Variants in HGD observed in about 807,000 individuals in gnomAD.
HGD encodes the protein homogentisate 1,2-dioxygenase, also known as homogentisate oxidase.
A neutral mutation model predicts 60.8 loss-of-function variants in HGD; 61 were observed. The observed-to-expected ratio is 1.00, with a 90% confidence interval of 0.82 to 1.24. HGD has a LOEUF of 1.24. Ranked by LOEUF, HGD falls within the 50% of genes most tolerant of loss-of-function variation. The pLI, the probability that HGD is intolerant of heterozygous loss-of-function variation, is 0.00. For synonymous variants in HGD, 212 were observed against 187.7 expected (o/e 1.13, Z -1.06); for missense variants, 542 against 547.1 (o/e 0.99, Z 0.09).
At chr3:120,662,757 T>C (rs956998406) in intron 4 of HGD, among the ~76,000 whole-genome samples, 5 of 152,138 alleles carry the variant, frequency 3.3e-5, no homozygotes, top group African/African-American at 1.2e-4. Context: ...AGTAGATATT[T>C]AGAGGGAAAA....
chr3:120,631,747 A>T (rs1940597946), intron 13 of HGD, among the ~76,000 whole-genome samples: 1 of 152,188 alleles, frequency 6.6e-6, no homozygotes, highest in Non-Finnish European at 1.5e-5. Flanking sequence ...AATGGTGAGG[A>T]CGACTGAAAG....
chr3:120,636,640 G>A (rs1037075974), intron 12 of HGD, among the ~76,000 whole-genome samples: 4 of 152,150 alleles, frequency 2.6e-5, no homozygotes, highest in African/African-American at 7.2e-5. Context: ...TTTTAGAAAC[G>A]ACTTATGATG....
intron 1 of HGD, among the ~76,000 whole-genome samples, chr3:120,681,588 C>T (rs149424246): frequency 4.4e-4 from 67 of 152,326 alleles, no homozygotes; most frequent in African/African-American, 1.5e-3. Context: ...TAGCACCTAA[C>T]AGCACATAAC....
At chr3:120,649,139 C>CTTTTTTTTT (rs10572267) in intron 6 of HGD, among the ~76,000 whole-genome samples, 210 of 94,388 alleles carry the variant, frequency 2.2e-3, no homozygotes, top group African/African-American at 2.9e-3. Context: ...TCTTCTTTTT[C>CTTTTTTTTT]TTTTTTTTTT....
intron 13 of HGD, 128 bp from the exon 14 acceptor site, chr3:120,628,657 G>C: frequency 7.4e-6 from 8 of 1,083,384 alleles, no homozygotes; most frequent in African/African-American, 1.5e-5. Flanking sequence ...TTGTGTGCTA[G>C]AGTGGTGAGG....
chr3:120,659,264 A>G (rs1239087985), intron 4 of HGD, among the ~76,000 whole-genome samples: 1 of 152,264 alleles, frequency 6.6e-6, no homozygotes, highest in Non-Finnish European at 1.5e-5. Context: ...ACTTATTTTT[A>G]AATTTAAGTT....
intron 4 of HGD, among the ~76,000 whole-genome samples, chr3:120,661,849 C>T (rs1247746997): frequency 6.6e-6 from 1 of 152,140 alleles, no homozygotes; most frequent in African/African-American, 2.4e-5. Flanking sequence ...AGGATCTGAA[C>T]TATCAGGGAG....
chr3:120,641,562 C>A, intron 11 of HGD, 27 bp downstream of exon 11: 1 of 1,475,080 alleles, frequency 6.8e-7, no homozygotes, highest in Non-Finnish European at 9.5e-7. Flanking sequence ...TGCCTCATCC[C>A]AAGGCCCCTA....
intron 8 of HGD, among the ~76,000 whole-genome samples, 189 bp downstream of exon 8, chr3:120,646,784 T>C (rs2293735): frequency 0.095 from 14,402 of 152,250 alleles, 766 homozygotes; most frequent in East Asian, 0.19. Flanking sequence ...TTATGTGCTA[T>C]ATTAAAAGAA....
At chr3:120,660,931 C>T (rs947256316) in intron 4 of HGD, among the ~76,000 whole-genome samples, 1 of 152,168 alleles carries the variant, frequency 6.6e-6, no homozygotes, top group Non-Finnish European at 1.5e-5. Flanking sequence ...GCTTTAAATC[C>T]ATTACCTAGC....
intron 3 of HGD, among the ~76,000 whole-genome samples, chr3:120,672,486 G>T (rs2107551810): frequency 6.6e-6 from 1 of 152,274 alleles, no homozygotes; most frequent in East Asian, 1.9e-4. Context: ...CAAGACCAAG[G>T]ACAGTCTACC....
intron 4 of HGD, among the ~76,000 whole-genome samples, chr3:120,668,873 A>G (rs992972407): frequency 6.6e-6 from 1 of 152,178 alleles, no homozygotes; most frequent in Non-Finnish European, 1.5e-5. Context: ...TATCAGCAAC[A>G]TGTACCTAAA....
At chr3:120,641,405 G>A (rs1940973845) in intron 11 of HGD, among the ~76,000 whole-genome samples, 184 bp downstream of exon 11, 1 of 152,202 alleles carries the variant, frequency 6.6e-6, no homozygotes, top group Non-Finnish European at 1.5e-5. Flanking sequence ...GGAATGTTGA[G>A]TATCTGGCTT....
intron 12 of HGD, among the ~76,000 whole-genome samples, chr3:120,636,476 A>G (rs564448159): frequency 6.6e-6 from 1 of 152,296 alleles, no homozygotes; most frequent in African/African-American, 2.4e-5. Flanking sequence ...GAGTAACCTC[A>G]ATACAAGAAC....
intron 4 of HGD, among the ~76,000 whole-genome samples, chr3:120,663,280 G>A (rs769086227): frequency 2.0e-5 from 3 of 152,162 alleles, no homozygotes; most frequent in Non-Finnish European, 4.4e-5. Flanking sequence ...ATGATGACAA[G>A]GGGGAGGTGA....
chr3:120,675,244 C>A (rs1708104721), intron 2 of HGD, among the ~76,000 whole-genome samples: 1 of 152,036 alleles, frequency 6.6e-6, no homozygotes, highest in South Asian at 2.1e-4. Flanking sequence ...CAAGCGTTCA[C>A]ATGTTGGTAT....
At chr3:120,642,793 T>A (rs1168549459) in intron 10 of HGD, among the ~76,000 whole-genome samples, 1 of 152,162 alleles carries the variant, frequency 6.6e-6, no homozygotes, top group Non-Finnish European at 1.5e-5. Flanking sequence ...ATATCCCAAT[T>A]TGTCTTTCCT....
chr3:120,633,123 G>A (rs1940641479), intron 13 of HGD, 24 bp downstream of exon 13: 1 of 1,611,960 alleles, frequency 6.2e-7, no homozygotes, highest in Non-Finnish European at 8.5e-7. Flanking sequence ...GAGGCCGCTG[G>A]AATGTGGCAG....
At chr3:120,642,149 G>A (rs2107503422) in intron 10 of HGD, among the ~76,000 whole-genome samples, 1 of 152,270 alleles carries the variant, frequency 6.6e-6, no homozygotes, top group Admixed American at 6.5e-5. Context: ...CCAGGAGAGG[G>A]GAGAAGGCCT....
Sources: allele counts gnomAD v4.1 joint callset (sites outside exome capture counted in the v4.1 genomes callset), GRCh38; gene constraint gnomAD v4.1.1; transcripts MANE v1.5; gene names NCBI Gene and HGNC (gene_info 2026-07-23, HGNC 2026-07-21).